Variants in LCLAT1 observed in about 807,000 individuals in gnomAD.
The protein encoded by LCLAT1 is lysocardiolipin acyltransferase 1, also known as 1-AGP acyltransferase 8.
Under a neutral mutation model 30.7 loss-of-function variants are expected in LCLAT1, and 11 were observed. The observed-to-expected ratio is 0.36, with a 90% CI of 0.23 to 0.59. The LOEUF is 0.59. Among genes scored for constraint, LCLAT1 ranks in the 20% least tolerant of loss-of-function variants. LCLAT1 has a pLI of 0.77. For missense variants in LCLAT1, 402 were observed against 458.6 expected, an observed-to-expected ratio of 0.88 and a Z score of 1.13; for synonymous variants, 155 against 151.3, an observed-to-expected ratio of 1.02 and a Z score of -0.18.
chr2:30,512,975 T>C lies in LCLAT1; in HGVS notation c.-4-12612T>C, dbSNP rs576225933. Among the ~76,000 whole-genome samples, 120 of 152,316 alleles carry C rather than the reference T, an allele frequency of 7.9e-4. 1 individual carries two copies. The highest frequency in any genetic ancestry group is 2.7e-3 in the African/African-American group (114 of 41,586). The stretch of plus-strand genomic sequence containing the variant: ...TATAATTATTAATTAAAAATGCACA[T>C]TTCTGTCTTGACAAGTACTGCCTTA... On this transcript the variant is annotated intron_variant, in intron 1 of 5. Coordinates refer to ENST00000379509, the MANE Select transcript of LCLAT1 (RefSeq NM_001002257.3).
chr2:30,516,903 C>A (rs1379361654), intron 1 of LCLAT1, among the ~76,000 whole-genome samples: 1 of 152,192 alleles, frequency 6.6e-6, no homozygotes, highest in Non-Finnish European at 1.5e-5. Flanking sequence ...CAGCCCCCAT[C>A]TGAGTTGGGA....
Position 30,525,603 on chromosome 2 carries a change from A to T in LCLAT1, c.13A>T (p.Lys5Ter). The change falls in exon 2 of 6, where the codon AAA (lysine) becomes TAA (stop). Residue 5 changes from lysine (K) to a stop codon, truncating the protein, a stop_gained. Transcript: ENST00000379509. LOFTEE classifies it high-confidence loss of function. ...ATCTTTCAGAATCATGGTGTCATGG[A>T]AAGGGATTTACTTTATACTGACTCT... MVSW[K>*]GIYFILTLFW... 1 of 1,613,486 alleles carries T rather than the reference A, an allele frequency of 6.2e-7. No homozygotes were observed.
At chr2:30,494,750 G>C (rs1457577600) in intron 1 of LCLAT1, among the ~76,000 whole-genome samples, 1 of 150,780 alleles carries the variant, frequency 6.6e-6, no homozygotes, top group East Asian at 2.0e-4. Context: ...CTTAATTTCT[G>C]TATGCTGTCC....
intron 3 of LCLAT1, among the ~76,000 whole-genome samples, chr2:30,551,902 TTA>T (rs1381056067): frequency 2.0e-5 from 3 of 152,228 alleles, no homozygotes; most frequent in East Asian, 3.8e-4. Context: ...TTAATGACAC[TTA>T]TGATTACATT....
intron 5 of LCLAT1, among the ~76,000 whole-genome samples, chr2:30,604,660 C>CA (rs71405526): frequency 0.22 from 21,044 of 95,290 alleles, 2,267 homozygotes; most frequent in East Asian, 0.32. Context: ...GACTCCGTCT[C>CA]AAAAAAAAAA....
intron 1 of LCLAT1, among the ~76,000 whole-genome samples, chr2:30,502,160 CTTTTT>C (rs1684433105): frequency 6.6e-6 from 1 of 152,040 alleles, no homozygotes; most frequent in South Asian, 2.1e-4. Flanking sequence ...CTATCTAGTG[CTTTTT>C]TTGTTCAGTG....
chr2:30,608,587 T>G (rs2148501598), intron 5 of LCLAT1, among the ~76,000 whole-genome samples: 1 of 152,226 alleles, frequency 6.6e-6, no homozygotes, highest in South Asian at 2.1e-4. Context: ...ATACCTTTTC[T>G]ATGTTTAGAC....
At chr2:30,623,695 A>G (rs1668378182) in intron 5 of LCLAT1, among the ~76,000 whole-genome samples, 1 of 152,212 alleles carries the variant, frequency 6.6e-6, no homozygotes, top group Admixed American at 6.5e-5. Flanking sequence ...ATTTGAGGGA[A>G]TAATCAAGGA....
At chr2:30,625,735 G>A (rs538662482) in intron 5 of LCLAT1, among the ~76,000 whole-genome samples, 71 of 152,176 alleles carry the variant, frequency 4.7e-4, no homozygotes, top group African/African-American at 1.7e-3. Context: ...AGTTTTGATG[G>A]GTACAAAACC....
At chr2:30,562,050 A>G (rs1665250636) in intron 3 of LCLAT1, 96 bp from the exon 4 acceptor site, 4 of 762,182 alleles carry the variant, frequency 5.2e-6, no homozygotes, top group African/African-American at 1.7e-5. Context: ...AATAAATAAT[A>G]TATAGTAAAA....
chr2:30,517,386 C>G lies in LCLAT1; in HGVS notation c.-4-8201C>G, dbSNP rs535728728. Reference sequence around the variant, plus strand: ...TTAGGTGGGACCCGTTCCTCACCACCCTTGCCAGGGCCCCAAATTTGTAAA... The same window carrying G: ...TTAGGTGGGACCCGTTCCTCACCACGCTTGCCAGGGCCCCAAATTTGTAAA... On this transcript the variant is annotated intron_variant, in intron 1 of 5. Transcript: ENST00000379509. Among the ~76,000 whole-genome samples the G allele has an allele frequency of 1.7e-3, 262 of 152,302 alleles. 1 individual carries two copies. The highest frequency in any genetic ancestry group is 4.6e-3 in the South Asian group (22 of 4,832).
At chr2:30,576,381 G>T (rs527301502) in intron 5 of LCLAT1, among the ~76,000 whole-genome samples, 1 of 152,238 alleles carries the variant, frequency 6.6e-6, no homozygotes, top group African/African-American at 2.4e-5. Flanking sequence ...ACTTCTGAAG[G>T]TGTGAGTAGC....
intron 1 of LCLAT1, among the ~76,000 whole-genome samples, chr2:30,511,792 C>A (rs980650840): frequency 6.6e-6 from 1 of 152,128 alleles, no homozygotes; most frequent in African/African-American, 2.4e-5. Flanking sequence ...GTTTATGCTG[C>A]GGTAGGAGAG....
chr2:30,590,458 A>ACC (rs1464773598), intron 5 of LCLAT1, among the ~76,000 whole-genome samples: 27 of 150,472 alleles, frequency 1.8e-4, no homozygotes, highest in Non-Finnish European at 2.4e-4. Context: ...GATTTTATTT[A>ACC]CCCTACCAAA....
chr2:30,501,001 C>T (rs1426926917), intron 1 of LCLAT1, among the ~76,000 whole-genome samples: 1 of 152,018 alleles, frequency 6.6e-6, no homozygotes, highest in Admixed American at 6.6e-5. Flanking sequence ...GATTGCCCGA[C>T]CCAACCACCT....
chr2:30,472,410 T>A (rs1682844615), intron 1 of LCLAT1, among the ~76,000 whole-genome samples: 1 of 152,186 alleles, frequency 6.6e-6, no homozygotes, highest in Non-Finnish European at 1.5e-5. Flanking sequence ...TATTTTGTGT[T>A]AATTTCTTTC....
chr2:30,577,400 A>G (rs1373130727), intron 5 of LCLAT1, among the ~76,000 whole-genome samples: 1 of 152,124 alleles, frequency 6.6e-6, no homozygotes, highest in East Asian at 1.9e-4. Flanking sequence ...ATTCGGCCAC[A>G]TGGGGTAAAT....
At chr2:30,585,945 C>G (rs1218689397) in intron 5 of LCLAT1, among the ~76,000 whole-genome samples, 1 of 152,074 alleles carries the variant, frequency 6.6e-6, no homozygotes, top group Non-Finnish European at 1.5e-5. Context: ...TTATCATAAA[C>G]TAGGTTGCTT....
chr2:30,490,199 A>AT (rs772695376), intron 1 of LCLAT1, among the ~76,000 whole-genome samples: 27,484 of 121,378 alleles, frequency 0.23, 3,613 homozygotes, highest in East Asian at 0.34. Flanking sequence ...GGCTACTCTG[A>AT]TTTTTTTTTT....
Sources: allele counts gnomAD v4.1 joint callset (sites outside exome capture counted in the v4.1 genomes callset), GRCh38; gene constraint gnomAD v4.1.1; transcripts MANE v1.5; gene names NCBI Gene and HGNC (gene_info 2026-07-23, HGNC 2026-07-21).